Variants in KDM5A observed in about 807,000 individuals in gnomAD.
The protein encoded by KDM5A is lysine-specific demethylase 5A.
In KDM5A, 42 loss-of-function variants were observed where a neutral mutation model predicts 193.5. That is an observed-to-expected ratio of 0.22 (90% CI 0.17 to 0.28). The LOEUF is 0.28. Ranked by LOEUF, KDM5A falls within the 10% of genes least tolerant of loss-of-function variation. KDM5A has a pLI of 1.00. For missense variants in KDM5A, 1,692 were observed against 2,055.1 expected (o/e 0.82, Z 3.42); for synonymous variants, 796 against 718.1 (o/e 1.11, Z -1.73).
chr12:375,960 C>G (rs1194297572), intron 3 of KDM5A, among the ~76,000 whole-genome samples: 1 of 152,212 alleles, frequency 6.6e-6, no homozygotes, highest in African/African-American at 2.4e-5. Context: ...CAGAGGGATA[C>G]CCGGCCATGT....
rs555648232 is a variant in KDM5A, at chr12:301,137, C to G, written c.4075-3937G>C. ...GGTACCATTCCTTCTGAAACTATTCCAAACAACAGAAAAAGAGGGAATCCT... is the reference window on the plus strand; with the variant it reads ...GGTACCATTCCTTCTGAAACTATTCGAAACAACAGAAAAAGAGGGAATCCT... On this transcript the variant is annotated intron_variant, in intron 24 of 27. Transcript: ENST00000399788. 2.0e-5 allele frequency among the ~76,000 whole-genome samples: 3 copies of G among 152,268 alleles called. No homozygotes were observed. The South Asian group carries it at 6.2e-4, about 32-fold the overall frequency.
chr12:366,198 G>T (rs1944355117), intron 3 of KDM5A, 94 bp from the exon 4 acceptor site: 2 of 1,107,636 alleles, frequency 1.8e-6, no homozygotes, highest in Admixed American at 4.2e-5. Flanking sequence ...ATTATTCAGG[G>T]CTTAAATTTC....
At position 281,536 on chromosome 12, in the gene KDM5A, TA is replaced by T. The variant is rs1168169063; in HGVS notation, c.*3919del. The stretch of plus-strand genomic sequence containing the variant: ...TATCCAAAGAAGTAATGGTATGACT[TA>T]AAAAAAAAGGAGGAATTTCAAAAGG... On this transcript the variant is annotated 3_prime_UTR_variant, in exon 28 of 28. Transcript: ENST00000399788. The T allele has an allele frequency of 3.5e-5, 8 of 230,110 alleles. No homozygotes were observed. Among genetic ancestry groups the T allele is most frequent in the South Asian group, 1.8e-4 (1 of 5,472 alleles). The allele number at this position is 230,110 out of a possible 1,614,324, so 14.3% of individuals were successfully genotyped here. A position where few individuals can be genotyped will look rare whatever the true frequency, so the allele number is the denominator to read the frequency against.
rs368205611 is a variant in KDM5A, at chr12:321,035, A to G, written c.2501T>C (p.Phe834Ser). 41 of 1,614,044 alleles carry G rather than the reference A, an allele frequency of 2.5e-5. No individual in the cohort carries two copies. The highest frequency in any genetic ancestry group is 3.5e-5 in the Non-Finnish European group (41 of 1,179,974). ...TTGGCTGATGACACACGGAAGACTAAAAAGTTGTTGGACAAAGGCCTTCAA... is the reference window on the plus strand; with the variant it reads ...TTGGCTGATGACACACGGAAGACTAGAAAGTTGTTGGACAAAGGCCTTCAA... ...EELKAFVQQLFSLPCVISQAR... is the reference protein window; with the variant it reads ...EELKAFVQQLSSLPCVISQAR... The change falls in exon 18 of 28, where the codon TTT becomes TCT. Residue 834 changes from phenylalanine (F) to serine (S), a missense_variant. Physicochemically the swap from Phe to Ser is radical, Grantham distance 155. Coordinates refer to ENST00000399788, the MANE Select transcript of KDM5A (RefSeq NM_001042603.3).
intron 12 of KDM5A, chr12:333,280 G>A (rs529699620): frequency 3.7e-5 from 22 of 597,880 alleles, no homozygotes; most frequent in South Asian, 3.5e-4. Context: ...TTAGCCGGGG[G>A]TGGTGGTGTG....
At chr12:353,286 C>T (rs138263303) in intron 8 of KDM5A, among the ~76,000 whole-genome samples, 63 of 152,190 alleles carry the variant, frequency 4.1e-4, no homozygotes, top group African/African-American at 1.5e-3. Context: ...GCTGAGACCG[C>T]GCCACTGCAC....
At chr12:333,414 G>A (rs1048589526) in intron 12 of KDM5A, 73 bp downstream of exon 12, 3 of 1,554,644 alleles carry the variant, frequency 1.9e-6, no homozygotes, top group East Asian at 2.3e-5. Flanking sequence ...GCAAGACCCT[G>A]TTTCAAAAAA....
At position 282,557 on chromosome 12, in the gene KDM5A, C is replaced by G. The variant is rs1591891273; in HGVS notation, c.*2899G>C. The G allele has an allele frequency of 8.6e-6, 2 of 233,170 alleles. No individual in the cohort carries two copies. Among genetic ancestry groups the G allele is most frequent in the East Asian group, 1.2e-4 (2 of 16,580 alleles). The allele number at this position is 233,170 out of a possible 1,614,324, so 14.4% of individuals were successfully genotyped here. ...CCTGTCTTCTCCCCCAGCTAGAAAG[C>G]TAACTACTGGTGCTGTATTTGTACT... On this transcript the variant is annotated 3_prime_UTR_variant, in exon 28 of 28. Transcript: ENST00000399788.
rs1285226455 is a variant in KDM5A, at chr12:389,304, G to C, written c.-213C>G. The C allele has an allele frequency of 2.6e-5, 18 of 686,770 alleles. No homozygotes were observed. The highest frequency in any genetic ancestry group is 4.8e-5 in the Non-Finnish European group (18 of 377,226). The allele number at this position is 686,770 out of a possible 1,614,324, so 42.5% of individuals were successfully genotyped here. ...TCCACTGAGGTTCAGGACTTTTCCG[G>C]AAGTTACCGTGCTGTCAAATCCCTC... On this transcript the variant is annotated 5_prime_UTR_variant, in exon 1 of 28. Transcript: ENST00000399788.
intron 14 of KDM5A, among the ~76,000 whole-genome samples, chr12:324,796 C>T (rs1306741379): frequency 2.0e-5 from 3 of 151,836 alleles, no homozygotes; most frequent in East Asian, 3.9e-4. Context: ...TCACTTGAGC[C>T]CGGGGGGTGA....
intron 25 of KDM5A, 86 bp downstream of exon 25, chr12:296,955 A>G: frequency 1.4e-6 from 2 of 1,380,236 alleles, no homozygotes; most frequent in Non-Finnish European, 1.0e-6. Flanking sequence ...CTCCACTCGA[A>G]ATGGAGTCAC....
At position 292,904 on chromosome 12, in the gene KDM5A, T is replaced by G. The variant is rs1429849844; in HGVS notation, c.4721A>C (p.Glu1574Ala). The G allele has an allele frequency of 6.2e-7, 1 of 1,614,188 alleles. No homozygotes were observed. The highest frequency in any genetic ancestry group is 1.1e-5 in the South Asian group (1 of 91,086). The change falls in exon 27 of 28, where the codon GAA becomes GCA. Residue 1574 changes from glutamate (E) to alanine (A), a missense_variant. By Grantham distance (107) the Glu-to-Ala change is moderately radical. Transcript: ENST00000399788. ...KKEKAAAAKV[E>A]LVKESTEKKR... Reference sequence around the variant, plus strand: ...CTTTTCAGTGCTCTCTTTCACAAGTTCAACTTTGGCTGCAGCAGCCTTCTC... The same window carrying G: ...CTTTTCAGTGCTCTCTTTCACAAGTGCAACTTTGGCTGCAGCAGCCTTCTC...
intron 24 of KDM5A, 62 bp downstream of exon 24, chr12:306,884 T>C: frequency 6.5e-7 from 1 of 1,534,916 alleles, no homozygotes; most frequent in Non-Finnish European, 9.0e-7. Context: ...CAATAGCTTT[T>C]TTTTTTTTTA....
intron 27 of KDM5A, 28 bp from the exon 28 acceptor site, chr12:285,690 T>G: frequency 6.3e-7 from 1 of 1,593,200 alleles, no homozygotes; most frequent in South Asian, 1.1e-5. Flanking sequence ...GGGGAATGTT[T>G]AGGTTACATA....
intron 22 of KDM5A, 93 bp downstream of exon 22, chr12:309,708 TAA>T: frequency 1.5e-6 from 2 of 1,314,884 alleles, no homozygotes; most frequent in Non-Finnish European, 2.2e-6. Flanking sequence ...TATATGAAAA[TAA>T]AAAGTTAAAA....
At chr12:377,821 C>CT (rs1944526185) in intron 3 of KDM5A, among the ~76,000 whole-genome samples, 1 of 152,040 alleles carries the variant, frequency 6.6e-6, no homozygotes, top group African/African-American at 2.4e-5. Context: ...AATTTCCAGA[C>CT]TGACAGGTGA....
At position 314,997 on chromosome 12, in the gene KDM5A, A is replaced by G. The variant is rs556378955; in HGVS notation, c.2898-1803T>C. The stretch of plus-strand genomic sequence containing the variant: ...CAGAAAACTAGAGAAGGATTTAAGT[A>G]AGGGAGTGAAAGTTACACCTGTATT... On this transcript the variant is annotated intron_variant, in intron 19 of 27. Coordinates refer to ENST00000399788, the MANE Select transcript of KDM5A (RefSeq NM_001042603.3). Among the ~76,000 whole-genome samples, 6 of 152,314 alleles carry G rather than the reference A, an allele frequency of 3.9e-5. No individual in the cohort carries two copies. The South Asian group carries it at 1.2e-3, about 32-fold the overall frequency.
Position 307,517 on chromosome 12 carries a change from T to A in KDM5A, c.3867A>T (p.Arg1289=). The A allele has an allele frequency of 6.2e-7, 1 of 1,613,928 alleles. No individual in the cohort carries two copies. Among genetic ancestry groups the A allele is most frequent in the East Asian group, 2.2e-5 (1 of 44,882 alleles). Residue 1289 remains arginine, a synonymous_variant, in exon 23 of 28, where the codon CGA becomes CGT. Coordinates refer to ENST00000399788, the MANE Select transcript of KDM5A (RefSeq NM_001042603.3). The surrounding 1 kb of genome is among the most constrained non-coding windows in gnomAD (Gnocchi z 4.3). ...CACTGATGATCTTTTCAGTTTTTTC[T>A]CGAGCCGCCTGTTCCACCATACGCT... ...LSQRMVEQAA[R]EKTEKIISAE... is the part of the protein sequence containing the mutation.
intron 24 of KDM5A, among the ~76,000 whole-genome samples, chr12:303,379 G>A (rs937810308): frequency 6.6e-6 from 1 of 152,252 alleles, no homozygotes; most frequent in Middle Eastern, 3.4e-3. Flanking sequence ...GGATGAAGCT[G>A]GAAACCATCA....
Sources: allele counts gnomAD v4.1 joint callset (sites outside exome capture counted in the v4.1 genomes callset), GRCh38; gene constraint gnomAD v4.1.1; non-coding constraint Gnocchi (gnomAD v3.1); transcripts MANE v1.5; gene names NCBI Gene and HGNC (gene_info 2026-07-23, HGNC 2026-07-21).